Variants in RNF32 observed in about 807,000 individuals in gnomAD.
RNF32 encodes the protein ring finger protein 32.
A neutral mutation model predicts 41.0 loss-of-function variants in RNF32; 36 were observed. The observed-to-expected ratio is 0.88, with a 90% confidence interval of 0.67 to 1.16. RNF32 has a LOEUF of 1.16. RNF32 is among the 50% of genes most tolerant of loss of function. The pLI, the probability that RNF32 is intolerant of heterozygous loss-of-function variation, is 0.00. For missense variants in RNF32, 413 were observed against 436.7 expected (o/e 0.95, Z 0.48); for synonymous variants, 154 against 160.9 (o/e 0.96, Z 0.32).
intron 7 of RNF32, among the ~76,000 whole-genome samples, chr7:156,674,276 C>T (rs985308513): frequency 1.3e-5 from 2 of 152,208 alleles, no homozygotes; most frequent in African/African-American, 4.8e-5. Context: ...GCCTGGAGAA[C>T]ACCCAGAAGA....
At chr7:156,676,227 AAC>A in intron 8 of RNF32, 190 bp from the exon 9 acceptor site, 1 of 1,503,494 alleles carries the variant, frequency 6.7e-7, no homozygotes, top group African/African-American at 1.5e-5. Flanking sequence ...TCCCAGGAGT[AAC>A]AGAGTATATG....
intron 3 of RNF32, among the ~76,000 whole-genome samples, chr7:156,647,149 GC>G (rs1797521257): frequency 6.6e-6 from 1 of 151,712 alleles, no homozygotes; most frequent in Admixed American, 6.6e-5. Context: ...ACCATGCCTG[GC>G]CTGTTTTTTT....
chr7:156,651,394 A>G (rs1451522902), intron 3 of RNF32, among the ~76,000 whole-genome samples: 1 of 151,686 alleles, frequency 6.6e-6, no homozygotes, highest in Admixed American at 6.6e-5. Context: ...TTGTATTTTT[A>G]GTAGAGACGG....
intron 4 of RNF32, 69 bp downstream of exon 4, chr7:156,654,787 A>G (rs1296823658): frequency 1.4e-6 from 2 of 1,435,614 alleles, no homozygotes; most frequent in Non-Finnish European, 9.6e-7. Context: ...CCAGAGCTGG[A>G]GCCTAAGATT....
At chr7:156,659,251 A>G (rs920440697) in intron 7 of RNF32, 20 of 1,057,186 alleles carry the variant, frequency 1.9e-5, no homozygotes, top group Non-Finnish European at 2.2e-5. Context: ...GAGCTGTAGC[A>G]TTTATAATGG....
chr7:156,658,763 T>C, intron 7 of RNF32, 193 bp downstream of exon 7: 1 of 886,698 alleles, frequency 1.1e-6, no homozygotes, highest in Non-Finnish European at 1.8e-6. Context: ...CAAATACTTC[T>C]AGACTTTCTT....
Position 156,644,648 on chromosome 7 carries a change from T to C in RNF32, c.165T>C (p.Asp55=), listed in dbSNP as rs150473773. The change falls in exon 3 of 9, where the codon GAT becomes GAC. Residue 55 remains aspartate (D), a synonymous_variant. Coordinates refer to ENST00000317955, the MANE Select transcript of RNF32 (RefSeq NM_030936.4). ...QKKENKSLKR[D]TKAIIDTGLK... ...AAGAGAACAAATCTCTAAAAAGAGA[T>C]ACAAAGGCAATAATAGATACTGGAC... 1.2e-6 allele frequency: 2 copies of C among 1,613,274 alleles called. No individual in the cohort carries two copies. The highest frequency in any genetic ancestry group is 1.1e-5 in the South Asian group (1 of 91,052).
intron 7 of RNF32, among the ~76,000 whole-genome samples, chr7:156,673,388 C>CA (rs1803031154): frequency 6.6e-6 from 1 of 152,144 alleles, no homozygotes; most frequent in South Asian, 2.1e-4. Flanking sequence ...AACTCTTCTA[C>CA]TTTCAATAAT....
rs527423461 is a variant in RNF32 at position 156,665,824 on chromosome 7, C to T, written c.684+7254C>T. On this transcript the variant is annotated intron_variant, in intron 7 of 8. Coordinates refer to ENST00000317955, the MANE Select transcript of RNF32 (RefSeq NM_030936.4). ...TGCCAACTTTTTAAACTTACCTTAC[C>T]AAGTTAGAGGAAAAAACAAAACACC... Among the ~76,000 whole-genome samples, 3 of 152,254 alleles carry T rather than the reference C, an allele frequency of 2.0e-5. No individual in the cohort carries two copies. In the South Asian group the frequency reaches 6.2e-4, roughly 32 times the overall value.
chr7:156,676,663 G>A lies in RNF32; in HGVS notation c.*8G>A. On this transcript the variant is annotated 3_prime_UTR_variant, in exon 9 of 9. Transcript: ENST00000317955. The stretch of plus-strand genomic sequence containing the variant: ...AAGATTCTTGAATGTTGAATTCATA[G>A]TCAAGGAAAGTTAGGTAATTCTGAG... The A allele has an allele frequency of 6.2e-7, 1 of 1,605,038 alleles. No individual in the cohort carries two copies. Among genetic ancestry groups the A allele is most frequent in the Non-Finnish European group, 8.5e-7 (1 of 1,172,320 alleles).
chr7:156,657,302 T>C (rs563537244), intron 4 of RNF32, among the ~76,000 whole-genome samples: 174 of 152,350 alleles, frequency 1.1e-3, no homozygotes, highest in South Asian at 2.5e-3. Context: ...CTCATTTTAA[T>C]AGTTAAATAT....
chr7:156,676,854 A>C lies in RNF32; in HGVS notation c.*199A>C, dbSNP rs192826496. On this transcript the variant is annotated 3_prime_UTR_variant, in exon 9 of 9. Transcript: ENST00000317955. ...TTTAATCTTTGGTCTCTAAAAAGTA[A>C]ATTTCAAATTTATGAGTTTAATCAC... 13 of 561,944 alleles carry C rather than the reference A, an allele frequency of 2.3e-5. No homozygotes were observed. In the East Asian group the frequency reaches 3.2e-4, roughly 14 times the overall value. 34.8% of individuals were successfully genotyped at this position (561,944 alleles called of 1,614,324 possible). A position where few individuals can be genotyped will look rare whatever the true frequency, so the allele number is the denominator to read the frequency against.
At chr7:156,661,155 T>G (rs978807026) in intron 7 of RNF32, among the ~76,000 whole-genome samples, 4 of 152,300 alleles carry the variant, frequency 2.6e-5, no homozygotes, top group South Asian at 4.1e-4. Flanking sequence ...CCGTCAGCCT[T>G]ATCACTTTTA....
intron 7 of RNF32, among the ~76,000 whole-genome samples, chr7:156,672,970 C>T (rs1802910571): frequency 2.0e-5 from 3 of 152,222 alleles, no homozygotes; most frequent in Non-Finnish European, 2.9e-5. Flanking sequence ...CAGGGCTCAC[C>T]CCGCGGACTG....
At chr7:156,675,264 G>A (rs1803591912) in intron 7 of RNF32, among the ~76,000 whole-genome samples, 1 of 152,212 alleles carries the variant, frequency 6.6e-6, no homozygotes, top group South Asian at 2.1e-4. Flanking sequence ...TGGTCGGTGG[G>A]AACCACGGCA....
At chr7:156,663,795 A>G (rs1039144210) in intron 7 of RNF32, among the ~76,000 whole-genome samples, 3 of 152,250 alleles carry the variant, frequency 2.0e-5, no homozygotes, top group African/African-American at 7.2e-5. Flanking sequence ...TAAAGAAGGT[A>G]TTTCAGACCA....
chr7:156,643,774 G>T, intron 1 of RNF32, 27 bp from the exon 2 acceptor site: 1 of 1,068,226 alleles, frequency 9.4e-7, no homozygotes, highest in South Asian at 1.3e-5. Flanking sequence ...CTGTAACTTT[G>T]ACTTTCTGTT....
intron 8 of RNF32, 110 bp from the exon 9 acceptor site, chr7:156,676,309 A>G: frequency 6.2e-7 from 1 of 1,610,134 alleles, no homozygotes; most frequent in Non-Finnish European, 8.5e-7. Flanking sequence ...AAACTTCCGC[A>G]TGTTTCGAAG....
chr7:156,647,940 C>A (rs1798189194), intron 3 of RNF32, among the ~76,000 whole-genome samples: 1 of 151,964 alleles, frequency 6.6e-6, no homozygotes, highest in Admixed American at 6.6e-5. Context: ...CGAGTGACGA[C>A]CATTTTTTCA....
Sources: allele counts gnomAD v4.1 joint callset (sites outside exome capture counted in the v4.1 genomes callset), GRCh38; gene constraint gnomAD v4.1.1; transcripts MANE v1.5; gene names NCBI Gene and HGNC (gene_info 2026-07-23, HGNC 2026-07-21).